The following RLIG1 variants were observed in gnomAD, a reference collection of about 807,000 sequenced individuals.
RLIG1 encodes the protein RNA ligase 1.
the RLIG1 span, among the ~76,000 whole-genome samples, chr12:88,038,835 A>C: frequency 1.3e-5 from 2 of 152,196 alleles, no homozygotes; most frequent in East Asian, 3.8e-4. Flanking sequence ...GTGACAATGA[A>C]GGTATACTAA....
the RLIG1 span, chr12:88,048,419 A>G: frequency 2.2e-5 from 30 of 1,361,858 alleles, no homozygotes; most frequent in Non-Finnish European, 2.7e-5. Context: ...TATTTGATGT[A>G]TAAAATGCAA....
the RLIG1 span, chr12:88,048,219 T>C: frequency 6.6e-7 from 1 of 1,519,874 alleles, no homozygotes; most frequent in Non-Finnish European, 8.8e-7. Flanking sequence ...GCTAATACCT[T>C]TTTTCTCTTT....
At chr12:88,049,442 G>A in the RLIG1 span, 1 of 1,137,640 alleles carries the variant, frequency 8.8e-7, no homozygotes, top group Non-Finnish European at 1.3e-6. Flanking sequence ...TTTAAAAGTT[G>A]CATATAGGAA....
At chr12:88,046,667 T>A in the RLIG1 span, 2 of 737,588 alleles carry the variant, frequency 2.7e-6, no homozygotes, top group South Asian at 3.9e-5. Context: ...TGCACTGGGT[T>A]ATATTCTTTT....
chr12:88,048,541 G>GAAAT, the RLIG1 span: 10 of 667,164 alleles, frequency 1.5e-5, no homozygotes, highest in Non-Finnish European at 2.2e-5. Flanking sequence ...CATTTGTGAA[G>GAAAT]AAATGAATTT....
chr12:88,046,261 A>G, the RLIG1 span, among the ~76,000 whole-genome samples: 1 of 152,172 alleles, frequency 6.6e-6, no homozygotes, highest in Non-Finnish European at 1.5e-5. Context: ...GACAGACCTA[A>G]GGATGCTAAA....
At chr12:88,047,918 CTG>C in the RLIG1 span, among the ~76,000 whole-genome samples, 1 of 152,104 alleles carries the variant, frequency 6.6e-6, no homozygotes, top group African/African-American at 2.4e-5. Context: ...GGTAGCTAGT[CTG>C]TACTCAGCAA....
At chr12:88,048,113 A>AAAAC in the RLIG1 span, 95 of 615,554 alleles carry the variant, frequency 1.5e-4, no homozygotes, top group Non-Finnish European at 2.0e-4. Context: ...TATAAAAAAA[A>AAAAC]AAACAGTAAG....
the RLIG1 span, among the ~76,000 whole-genome samples, chr12:88,038,739 A>T: frequency 6.6e-6 from 1 of 152,164 alleles, no homozygotes; most frequent in South Asian, 2.1e-4. Flanking sequence ...TAGGATATAA[A>T]ACTGAATCAA....
chr12:88,046,316 A>C, the RLIG1 span, among the ~76,000 whole-genome samples: 1 of 152,160 alleles, frequency 6.6e-6, no homozygotes, highest in Non-Finnish European at 1.5e-5. Flanking sequence ...GAAGACTGCC[A>C]GGTGTAAAGA....
chr12:88,049,191 A>G, the RLIG1 span: 2 of 1,582,782 alleles, frequency 1.3e-6, no homozygotes, highest in Non-Finnish European at 1.7e-6. Context: ...CCTTTAGTAA[A>G]TGGGGAAATT....
chr12:88,047,176 T>C, the RLIG1 span, among the ~76,000 whole-genome samples: 1 of 152,244 alleles, frequency 6.6e-6, no homozygotes, highest in South Asian at 2.1e-4. Flanking sequence ...GCATCGATCA[T>C]AACAGGTGTG....
the RLIG1 span, among the ~76,000 whole-genome samples, chr12:88,037,515 C>G: frequency 2.0e-5 from 3 of 152,096 alleles, no homozygotes; most frequent in Admixed American, 2.0e-4. Context: ...TCTTCCCCCC[C>G]ACATAGGATC....
chr12:88,045,076 C>G, the RLIG1 span: 1 of 152,304 alleles, frequency 6.6e-6, no homozygotes, highest in Non-Finnish European at 1.5e-5. Context: ...GAAGTTATTA[C>G]AGTAATCTAG....
chr12:88,046,624 G>A, the RLIG1 span, among the ~76,000 whole-genome samples: 1 of 152,292 alleles, frequency 6.6e-6, no homozygotes, highest in South Asian at 2.1e-4. Flanking sequence ...GTACACCAAG[G>A]TGGAATTTAG....
At chr12:88,042,592 T>TA in the RLIG1 span, 6 of 324,580 alleles carry the variant, frequency 1.8e-5, no homozygotes, top group Non-Finnish European at 2.8e-5. Flanking sequence ...AGTGTCCTTA[T>TA]AAAAAAGATC....
the RLIG1 span, among the ~76,000 whole-genome samples, chr12:88,047,581 GTTAATT>G: frequency 6.0e-3 from 918 of 152,132 alleles, 6 homozygotes; most frequent in Non-Finnish European, 8.3e-3. Flanking sequence ...CTTCCCAACT[GTTAATT>G]TTAATTTAAG....
At chr12:88,035,959 G>T in the RLIG1 span, 2 of 1,524,604 alleles carry the variant, frequency 1.3e-6, no homozygotes, top group East Asian at 2.5e-5. Context: ...ATTTGCGAAA[G>T]AATTTTCCTT....
the RLIG1 span, chr12:88,035,966 C>T: frequency 6.6e-7 from 1 of 1,522,682 alleles, no homozygotes. Context: ...AAAGAATTTT[C>T]CTTATCAGGA....
Sources: allele counts gnomAD v4.1 joint callset (sites outside exome capture counted in the v4.1 genomes callset), GRCh38; gene constraint gnomAD v4.1.1; transcripts MANE v1.5; gene names NCBI Gene and HGNC (gene_info 2026-07-23, HGNC 2026-07-21).